AP3B1: variants seen among roughly 807,000 people sequenced by gnomAD.
AP3B1 encodes the protein adaptor related protein complex 3 subunit beta 1, also known as AP-3 complex subunit beta-1.
In AP3B1, 61 loss-of-function variants were observed where a neutral mutation model predicts 132.5. The ratio of observed to expected loss-of-function variants is 0.46; its 90% confidence interval spans 0.37 to 0.57. The LOEUF (loss-of-function observed/expected upper bound fraction) is 0.57. Ranked by LOEUF, AP3B1 falls within the 20% of genes least tolerant of loss-of-function variation. The pLI is 0.00. For missense variants in AP3B1, 1,120 were observed against 1,289.4 expected (o/e 0.87, Z 2.01); for synonymous variants, 388 against 438.3 (o/e 0.89, Z 1.43).
intron 15 of AP3B1, among the ~76,000 whole-genome samples, chr5:78,136,327 C>T (rs1752908101): frequency 6.6e-6 from 1 of 152,090 alleles, no homozygotes; most frequent in Non-Finnish European, 1.5e-5. Context: ...TGCTCTAATG[C>T]TTGTTTTGAA....
At chr5:78,107,577 T>C (rs1751388499) in intron 20 of AP3B1, among the ~76,000 whole-genome samples, 1 of 152,096 alleles carries the variant, frequency 6.6e-6, no homozygotes, top group Non-Finnish European at 1.5e-5. Flanking sequence ...GGAGTTACCC[T>C]TGGGGAAGTG....
chr5:78,023,370 A>T (rs901944088), intron 24 of AP3B1, among the ~76,000 whole-genome samples: 4 of 152,112 alleles, frequency 2.6e-5, no homozygotes, highest in Admixed American at 1.3e-4. Context: ...TAAGCCCAGG[A>T]GTTTGAGACT....
chr5:78,282,113 C>T (rs1398504706), intron 1 of AP3B1, among the ~76,000 whole-genome samples: 2 of 152,144 alleles, frequency 1.3e-5, no homozygotes, highest in African/African-American at 4.8e-5. Flanking sequence ...CAATGGACTG[C>T]CATCGATTTC....
At chr5:78,118,762 A>G (rs564394142) in intron 17 of AP3B1, among the ~76,000 whole-genome samples, 1 of 152,324 alleles carries the variant, frequency 6.6e-6, no homozygotes, top group East Asian at 1.9e-4. Flanking sequence ...GCACAGACAA[A>G]CAAAAAGACA....
At chr5:78,121,145 C>T (rs896504018) in intron 17 of AP3B1, among the ~76,000 whole-genome samples, 13 of 151,952 alleles carry the variant, frequency 8.6e-5, no homozygotes, top group African/African-American at 1.7e-4. Context: ...TTGAAACCAA[C>T]GAGAACAAAG....
intron 22 of AP3B1, among the ~76,000 whole-genome samples, chr5:78,084,338 G>A (rs1750138097): frequency 6.6e-6 from 1 of 151,622 alleles, no homozygotes; most frequent in Non-Finnish European, 1.5e-5. Flanking sequence ...TAAAAAATTA[G>A]CCAATAAATT....
At chr5:78,085,740 A>G (rs1750216922) in intron 22 of AP3B1, among the ~76,000 whole-genome samples, 1 of 152,208 alleles carries the variant, frequency 6.6e-6, no homozygotes. Context: ...CATTCCATCT[A>G]AAGTAACTGT....
At chr5:78,115,131 T>C (rs2112263073) in intron 18 of AP3B1, among the ~76,000 whole-genome samples, 1 of 152,326 alleles carries the variant, frequency 6.6e-6, no homozygotes, top group Admixed American at 6.5e-5. Context: ...TTTAGATTTG[T>C]GGTAATATCC....
At chr5:78,160,866 C>T (rs1014522015) in intron 13 of AP3B1, among the ~76,000 whole-genome samples, 7 of 151,778 alleles carry the variant, frequency 4.6e-5, no homozygotes, top group Non-Finnish European at 8.8e-5. Context: ...TTTTACTGAG[C>T]CAGACTTCCA....
chr5:78,152,815 G>C (rs1035781884), intron 14 of AP3B1, among the ~76,000 whole-genome samples: 1 of 151,976 alleles, frequency 6.6e-6, no homozygotes, highest in Non-Finnish European at 1.5e-5. Flanking sequence ...GGTCATTCAG[G>C]AGCATATTGT....
chr5:78,144,712 A>C (rs1753309249), intron 14 of AP3B1, among the ~76,000 whole-genome samples: 1 of 152,234 alleles, frequency 6.6e-6, no homozygotes, highest in East Asian at 1.9e-4. Context: ...TGCTATTTCA[A>C]TATTACTCAG....
At chr5:78,043,756 G>A (rs1748199009) in intron 22 of AP3B1, 3 of 398,652 alleles carry the variant, frequency 7.5e-6, no homozygotes, top group African/African-American at 4.2e-5. Context: ...AGAAAAAAAG[G>A]CAGCACCAAA....
intron 21 of AP3B1, among the ~76,000 whole-genome samples, chr5:78,099,360 T>C (rs991890207): frequency 2.0e-5 from 3 of 152,046 alleles, no homozygotes; most frequent in Non-Finnish European, 4.4e-5. Context: ...GGAACAGCAG[T>C]AGAAAGGCCC....
chr5:78,254,662 T>C (rs1747781615), intron 2 of AP3B1, among the ~76,000 whole-genome samples: 1 of 152,186 alleles, frequency 6.6e-6, no homozygotes, highest in African/African-American at 2.4e-5. Context: ...AGGGATTTCA[T>C]CAATGCCAGA....
At chr5:78,189,143 G>T (rs1744722235) in intron 7 of AP3B1, among the ~76,000 whole-genome samples, 1 of 152,078 alleles carries the variant, frequency 6.6e-6, no homozygotes, top group African/African-American at 2.4e-5. Context: ...CTGGGTGATG[G>T]ATTGATAGGT....
At chr5:78,164,965 G>T (rs189230670) in intron 12 of AP3B1, among the ~76,000 whole-genome samples, 12 of 152,250 alleles carry the variant, frequency 7.9e-5, no homozygotes, top group Middle Eastern at 3.4e-3. Flanking sequence ...GAATATAAAA[G>T]TCATAATACT....
chr5:78,253,584 G>A (rs1404764085), intron 2 of AP3B1, among the ~76,000 whole-genome samples: 5 of 152,188 alleles, frequency 3.3e-5, no homozygotes, highest in African/African-American at 9.7e-5. Flanking sequence ...TCTGGAAAAA[G>A]AGAAATATGT....
intron 23 of AP3B1, among the ~76,000 whole-genome samples, chr5:78,035,054 A>T (rs1561365447): frequency 6.6e-6 from 1 of 151,966 alleles, no homozygotes; most frequent in Non-Finnish European, 1.5e-5. Context: ...TCTTTATAAA[A>T]CAAAAAATAA....
chr5:78,099,986 T>A (rs1751061940), intron 21 of AP3B1, among the ~76,000 whole-genome samples: 1 of 152,102 alleles, frequency 6.6e-6, no homozygotes, highest in Non-Finnish European at 1.5e-5. Context: ...CTATTTATAT[T>A]CCTATCAAAA....
Sources: gnomAD v4.1 joint callset for allele counts (sites outside exome capture counted in the v4.1 genomes callset) on GRCh38, gnomAD v4.1.1 for gene constraint, MANE v1.5 for transcripts, NCBI Gene and HGNC (gene_info 2026-07-23, HGNC 2026-07-21) for gene names.